ZFHX3: variants seen among roughly 807,000 people sequenced by gnomAD.
ZFHX3 encodes zinc finger homeobox 3.
ZFHX3 carries 42 observed loss-of-function variants against 279.1 expected under a neutral mutation model. That is an observed-to-expected ratio of 0.15 (90% CI 0.12 to 0.19). The LOEUF (loss-of-function observed/expected upper bound fraction) is 0.19, where lower values mean the gene tolerates loss of function less well. ZFHX3 is among the 10% of genes least tolerant of loss of function. The pLI is 1.00. For synonymous variants in ZFHX3, 2,293 were observed against 1,957.8 expected, an observed-to-expected ratio of 1.17 and a Z score of -4.52; for missense variants, 4,981 against 4,754.0, an observed-to-expected ratio of 1.05 and a Z score of -1.40.
At chr16:73,552,127 C>G (rs552458208) in intron 2 of ZFHX3, among the ~76,000 whole-genome samples, 1 of 152,100 alleles carries the variant, frequency 6.6e-6, no homozygotes, top group Non-Finnish European at 1.5e-5. Flanking sequence ...AACTACAGCC[C>G]TAACTCAAGA....
chr16:73,006,879 C>CA (rs1240414627), intron 1 of ZFHX3, among the ~76,000 whole-genome samples: 1 of 152,126 alleles, frequency 6.6e-6, no homozygotes, highest in African/African-American at 2.4e-5. Context: ...ACACCTAATG[C>CA]AATGTAAATG....
chr16:73,077,376 G>C (rs1597149079), intron 8 of ZFHX3, among the ~76,000 whole-genome samples: 2 of 150,686 alleles, frequency 1.3e-5, no homozygotes, highest in South Asian at 4.2e-4. Context: ...TTTTTTTCCA[G>C]GTGAAGTTCC....
intron 1 of ZFHX3, among the ~76,000 whole-genome samples, chr16:73,867,722 C>T (rs1444399118): frequency 3.3e-5 from 5 of 152,188 alleles, no homozygotes; most frequent in African/African-American, 9.7e-5. Flanking sequence ...TTCCCCCTCC[C>T]AAATGCACTC....
chr16:73,074,298 C>G (rs1381560718), intron 8 of ZFHX3, among the ~76,000 whole-genome samples: 1 of 152,208 alleles, frequency 6.6e-6, no homozygotes, highest in Non-Finnish European at 1.5e-5. Context: ...CACCCAGCTC[C>G]TCATATTCAG....
chr16:73,363,504 T>C (rs1220289719), intron 3 of ZFHX3, among the ~76,000 whole-genome samples: 1 of 152,160 alleles, frequency 6.6e-6, no homozygotes, highest in African/African-American at 2.4e-5. Context: ...GTAGATTTGT[T>C]GAGTAAAAGA....
At chr16:73,685,920 T>A (rs1216898066) in intron 1 of ZFHX3, among the ~76,000 whole-genome samples, 2 of 152,186 alleles carry the variant, frequency 1.3e-5, no homozygotes, top group Non-Finnish European at 2.9e-5. Flanking sequence ...AGATCAACAT[T>A]CTCGGAAGTG....
At chr16:73,345,312 G>A (rs2016103146) in intron 3 of ZFHX3, among the ~76,000 whole-genome samples, 1 of 152,044 alleles carries the variant, frequency 6.6e-6, no homozygotes, top group South Asian at 2.1e-4. Context: ...TGTCATGGTG[G>A]TTTGGGGCAC....
chr16:73,765,129 C>T (rs896536545), intron 1 of ZFHX3, among the ~76,000 whole-genome samples: 1 of 152,142 alleles, frequency 6.6e-6, no homozygotes, highest in Non-Finnish European at 1.5e-5. Flanking sequence ...TAAATCCTAG[C>T]CTTGCCCTCC....
At chr16:73,563,145 G>A (rs2020395932) in intron 2 of ZFHX3, among the ~76,000 whole-genome samples, 1 of 149,700 alleles carries the variant, frequency 6.7e-6, no homozygotes. Flanking sequence ...TGAAAGTGCA[G>A]TCTTTTTTTG....
rs1355338329 is a variant in ZFHX3, at chr16:72,796,239, G to A, written c.6443C>T (p.Pro2148Leu). ...CTGATCATCTGTGATCCTGGTGCGAGGCCTCTTGTTCTGCTGCTGGAGCAG... is the reference window on the plus strand; with the variant it reads ...CTGATCATCTGTGATCCTGGTGCGAAGCCTCTTGTTCTGCTGCTGGAGCAG... ...PTLLQQQNKR[P>L]RTRITDDQLR... The change falls in exon 9 of 10, where the codon CCT (proline) becomes CTT (leucine). Residue 2148 changes from proline (P) to leucine (L), a missense_variant. Coordinates refer to ENST00000268489, the MANE Select transcript of ZFHX3 (RefSeq NM_006885.4). 5 of 1,614,116 alleles carry A rather than the reference G, an allele frequency of 3.1e-6. No individual in the cohort carries two copies. The highest frequency in any genetic ancestry group is 2.2e-5 in the South Asian group (2 of 91,080).
intron 4 of ZFHX3, among the ~76,000 whole-genome samples, chr16:73,260,871 C>T (rs1355932347): frequency 3.3e-5 from 5 of 151,622 alleles, no homozygotes; most frequent in Admixed American, 2.6e-4. Context: ...TTAGTAGAGA[C>T]GGGGGTTTCA....
At chr16:72,819,254 T>C (rs988545556) in intron 5 of ZFHX3, among the ~76,000 whole-genome samples, 15 of 130,254 alleles carry the variant, frequency 1.2e-4, no homozygotes, top group South Asian at 5.7e-4. Flanking sequence ...CTTGCTTACA[T>C]CTACCAAGAC....
intron 7 of ZFHX3, among the ~76,000 whole-genome samples, chr16:73,115,880 A>G (rs1232601834): frequency 2.6e-5 from 4 of 152,122 alleles, no homozygotes; most frequent in Non-Finnish European, 5.9e-5. Flanking sequence ...GCACTTTGGG[A>G]GGCCAAGGAG....
intron 3 of ZFHX3, among the ~76,000 whole-genome samples, chr16:73,377,302 C>T (rs892795745): frequency 2.0e-5 from 3 of 152,050 alleles, no homozygotes; most frequent in African/African-American, 4.8e-5. Context: ...GCAACAGTGT[C>T]CCCAGTGGTC....
At chr16:73,298,623 G>A (rs1475870430) in intron 4 of ZFHX3, among the ~76,000 whole-genome samples, 5 of 151,900 alleles carry the variant, frequency 3.3e-5, no homozygotes, top group Non-Finnish European at 7.4e-5. Context: ...CTTACCAAGT[G>A]GTGCAGTGGC....
chr16:73,648,767 T>C (rs1249838624), intron 2 of ZFHX3, among the ~76,000 whole-genome samples: 3 of 152,202 alleles, frequency 2.0e-5, no homozygotes, highest in Admixed American at 6.5e-5. Context: ...TGATGGACAA[T>C]TGATAGTCTA....
Position 72,797,389 on chromosome 16 carries a change from C to T in ZFHX3, c.5293G>A (p.Ala1765Thr). The T allele has an allele frequency of 1.2e-6, 2 of 1,607,456 alleles. No individual in the cohort carries two copies. Among genetic ancestry groups the T allele is most frequent in the South Asian group, 2.2e-5 (2 of 88,918 alleles). ...HLQQELQQQA[A>T]LIQSQLFNPT... The stretch of plus-strand genomic sequence containing the variant: ...TTAAACAGCTGAGACTGGATCAGGG[C>T]AGCCTGTTGCTGCAGCTCCTGCTGC... Residue 1765 changes from alanine (A) to threonine (T), a missense_variant, in exon 9 of 10, where the codon GCC (alanine) becomes ACC (threonine). Transcript: ENST00000268489.
At chr16:73,517,567 C>A (rs2019543976) in intron 2 of ZFHX3, among the ~76,000 whole-genome samples, 1 of 152,144 alleles carries the variant, frequency 6.6e-6, no homozygotes, top group Non-Finnish European at 1.5e-5. Context: ...TTGGGAGGAG[C>A]AGGGAGGAGC....
chr16:73,107,815 G>A (rs1966322500), intron 7 of ZFHX3, among the ~76,000 whole-genome samples: 1 of 151,974 alleles, frequency 6.6e-6, no homozygotes, highest in South Asian at 2.1e-4. Flanking sequence ...AGGAGTTTGA[G>A]GGCAGCCTGA....
Sources: gnomAD v4.1 joint callset for allele counts (sites outside exome capture counted in the v4.1 genomes callset) on GRCh38, gnomAD v4.1.1 for gene constraint, MANE v1.5 for transcripts, NCBI Gene and HGNC (gene_info 2026-07-23, HGNC 2026-07-21) for gene names.